Variants in GRID2 observed in about 807,000 individuals in gnomAD.
GRID2 encodes glutamate ionotropic receptor delta type subunit 2.
In GRID2, 33 loss-of-function variants were observed where a neutral mutation model predicts 114.8. That is an observed-to-expected ratio of 0.29 (90% confidence interval 0.22 to 0.38). GRID2 has a LOEUF of 0.38. GRID2 is among the 10% of genes least tolerant of loss of function. The pLI, the probability that GRID2 is intolerant of heterozygous loss-of-function variation, is 1.00. For synonymous variants in GRID2, 505 were observed against 449.9 expected, an observed-to-expected ratio of 1.12 and a Z score of -1.55; for missense variants, 1,184 against 1,257.7, an observed-to-expected ratio of 0.94 and a Z score of 0.89.
chr4:93,543,726 G>GAGAGAGAGAT (rs1732899388), intron 13 of GRID2, among the ~76,000 whole-genome samples: 1 of 151,598 alleles, frequency 6.6e-6, no homozygotes, highest in African/African-American at 2.4e-5. Context: ...GAGAGAGAGA[G>GAGAGAGAGAT]AGAGAGAGAG....
intron 2 of GRID2, among the ~76,000 whole-genome samples, chr4:92,913,834 T>G (rs1448640139): frequency 1.3e-5 from 2 of 151,972 alleles, no homozygotes; most frequent in African/African-American, 4.8e-5. Flanking sequence ...CGACTCAAAT[T>G]CTATAAAAGG....
chr4:92,840,401 CTTCT>C (rs1293821176), intron 2 of GRID2, among the ~76,000 whole-genome samples: 3 of 151,784 alleles, frequency 2.0e-5, no homozygotes, highest in Non-Finnish European at 2.9e-5. Flanking sequence ...TCTTCTCTTC[CTTCT>C]TTCTTTTCTC....
intron 13 of GRID2, among the ~76,000 whole-genome samples, chr4:93,547,112 G>C (rs528000678): frequency 6.6e-6 from 1 of 152,228 alleles, no homozygotes; most frequent in Admixed American, 6.5e-5. Context: ...AGAGTTGATA[G>C]AGAAAACTAA....
intron 13 of GRID2, among the ~76,000 whole-genome samples, chr4:93,623,023 C>T (rs887328589): frequency 6.6e-6 from 1 of 152,060 alleles, no homozygotes; most frequent in Non-Finnish European, 1.5e-5. Flanking sequence ...CTAATATTGA[C>T]ATTTTTGCAA....
chr4:93,131,814 G>C (rs1734832020), intron 4 of GRID2, among the ~76,000 whole-genome samples: 1 of 152,000 alleles, frequency 6.6e-6, no homozygotes, highest in Admixed American at 6.6e-5. Flanking sequence ...GAGACATTCA[G>C]TTCTCATCTC....
intron 14 of GRID2, among the ~76,000 whole-genome samples, chr4:93,718,241 T>G (rs1315604965): frequency 1.3e-5 from 2 of 152,180 alleles, no homozygotes; most frequent in Non-Finnish European, 2.9e-5. Context: ...GAAAATGGAA[T>G]CATAAAGATT....
At chr4:92,502,568 G>A (rs1723737858) in intron 1 of GRID2, among the ~76,000 whole-genome samples, 1 of 151,958 alleles carries the variant, frequency 6.6e-6, no homozygotes, top group African/African-American at 2.4e-5. Flanking sequence ...TAGTTTTTAT[G>A]TAAGTGTTTT....
At chr4:93,419,050 G>A (rs1768000576) in intron 9 of GRID2, among the ~76,000 whole-genome samples, 1 of 142,976 alleles carries the variant, frequency 7.0e-6, no homozygotes, top group Non-Finnish European at 1.5e-5. Context: ...GATATAGCTG[G>A]TAATCCCCAA....
chr4:93,280,259 G>T (rs1487224499), intron 8 of GRID2, among the ~76,000 whole-genome samples: 1 of 151,950 alleles, frequency 6.6e-6, no homozygotes, highest in Non-Finnish European at 1.5e-5. Flanking sequence ...CTTTCTTCCT[G>T]CCATTGCACT....
chr4:92,881,066 C>T (rs1006560953), intron 2 of GRID2, among the ~76,000 whole-genome samples: 1 of 152,120 alleles, frequency 6.6e-6, no homozygotes, highest in Admixed American at 6.5e-5. Context: ...CCATGCCCCG[C>T]TAATTTTTGT....
chr4:93,162,173 A>T (rs1737750688), intron 4 of GRID2, among the ~76,000 whole-genome samples: 1 of 151,828 alleles, frequency 6.6e-6, no homozygotes, highest in Non-Finnish European at 1.5e-5. Context: ...TTGATCTCTG[A>T]ATCCTCTGGA....
At chr4:92,858,221 A>G (rs1344195685) in intron 2 of GRID2, among the ~76,000 whole-genome samples, 1 of 152,192 alleles carries the variant, frequency 6.6e-6, no homozygotes, top group African/African-American at 2.4e-5. Context: ...TTAACTTTCA[A>G]TCTAATTATT....
At chr4:93,659,751 C>A (rs190598933) in intron 14 of GRID2, among the ~76,000 whole-genome samples, 2 of 152,272 alleles carry the variant, frequency 1.3e-5, no homozygotes, top group African/African-American at 4.8e-5. Context: ...ATTGGTTTCT[C>A]AGTCTCTTTT....
In GRID2 at chr4:93,110,931, C is replaced by G; in HGVS notation, c.713C>G (p.Thr238Arg). Residue 238 changes from threonine to arginine, a missense_variant, in exon 4 of 16, where the codon ACA becomes AGA. Thr to Arg is a moderately conservative substitution (Grantham distance 71). Coordinates refer to ENST00000282020, the MANE Select transcript of GRID2 (RefSeq NM_001510.4). ...RRAILVMNPA[T>R]AKSFITEVVE... ...GCGATCCTTGTTATGAATCCTGCTACAGCCAAATCCTTCATTACTGAGGTA... is the reference window on the plus strand; with the variant it reads ...GCGATCCTTGTTATGAATCCTGCTAGAGCCAAATCCTTCATTACTGAGGTA... The G allele has an allele frequency of 6.2e-7, 1 of 1,609,300 alleles. No homozygotes were observed. Among genetic ancestry groups the G allele is most frequent in the Non-Finnish European group, 8.5e-7 (1 of 1,175,588 alleles).
intron 1 of GRID2, among the ~76,000 whole-genome samples, chr4:92,493,115 A>C (rs925286842): frequency 6.7e-6 from 1 of 148,732 alleles, no homozygotes; most frequent in Non-Finnish European, 1.5e-5. Context: ...GGGACAGAGC[A>C]AGACTCCATC....
intron 2 of GRID2, among the ~76,000 whole-genome samples, chr4:92,880,674 AC>A (rs1323801480): frequency 6.6e-6 from 1 of 152,180 alleles, no homozygotes; most frequent in Admixed American, 6.5e-5. Context: ...TTTCAAAAAA[AC>A]AAAAACAAAT....
chr4:93,249,329 G>A (rs1055240919), intron 8 of GRID2, among the ~76,000 whole-genome samples: 2 of 152,014 alleles, frequency 1.3e-5, no homozygotes, highest in Non-Finnish European at 2.9e-5. Flanking sequence ...TTGTTCTTTT[G>A]GCTTAGGATT....
chr4:93,203,595 A>G (rs188044910), intron 4 of GRID2, among the ~76,000 whole-genome samples: 1 of 152,340 alleles, frequency 6.6e-6, no homozygotes, highest in East Asian at 1.9e-4. Context: ...TCTAGTGAGT[A>G]TGTTTATTAA....
At chr4:92,637,399 A>G (rs1386176205) in intron 2 of GRID2, among the ~76,000 whole-genome samples, 1 of 152,012 alleles carries the variant, frequency 6.6e-6, no homozygotes, top group Non-Finnish European at 1.5e-5. Flanking sequence ...TAGAATGTAT[A>G]TTTTTGGCAT....
Sources: allele counts gnomAD v4.1 joint callset (sites outside exome capture counted in the v4.1 genomes callset), GRCh38; gene constraint gnomAD v4.1.1; transcripts MANE v1.5; gene names NCBI Gene and HGNC (gene_info 2026-07-23, HGNC 2026-07-21).